SLC5A5: variants seen among roughly 807,000 people sequenced by gnomAD.
SLC5A5 encodes the protein solute carrier family 5 member 5.
SLC5A5 carries 56 observed loss-of-function variants against 68.6 expected under a neutral mutation model. The observed-to-expected ratio is 0.82, with a 90% CI of 0.66 to 1.02. SLC5A5 has a LOEUF of 1.02. SLC5A5 is among the 50% of genes least tolerant of loss of function. The probability of loss-of-function intolerance (pLI) is 0.00; values close to 1 mark genes in which losing one functional copy is unlikely to be tolerated. For missense variants in SLC5A5, 807 were observed against 859.8 expected, an observed-to-expected ratio of 0.94 and a Z score of 0.77; for synonymous variants, 398 against 373.0, an observed-to-expected ratio of 1.07 and a Z score of -0.77.
intron 14 of SLC5A5, among the ~76,000 whole-genome samples, chr19:17,891,327 T>G (rs1407771932): frequency 6.6e-6 from 1 of 152,188 alleles, no homozygotes. Context: ...TGCCTCAGCC[T>G]CCTGAGTAGT....
At chr19:17,883,652 C>T in intron 10 of SLC5A5, 29 bp from the exon 11 acceptor site, 2 of 1,593,278 alleles carry the variant, frequency 1.3e-6, no homozygotes, top group Non-Finnish European at 8.6e-7. Context: ...GGGCTCCGCC[C>T]TCAGCCCCAC....
At chr19:17,883,818 C>G in intron 11 of SLC5A5, 32 bp from the exon 12 acceptor site, 1 of 1,606,924 alleles carries the variant, frequency 6.2e-7, no homozygotes, top group South Asian at 1.1e-5. Context: ...GGACAGGCCC[C>G]TCCCCTTCCC....
intron 1 of SLC5A5, 45 bp from the exon 2 acceptor site, chr19:17,874,093 T>C: frequency 6.9e-7 from 1 of 1,446,768 alleles, no homozygotes; most frequent in Non-Finnish European, 9.7e-7. Flanking sequence ...AGGCCTCGGC[T>C]CCTGGGTAAG....
At chr19:17,877,147 C>T (rs1309329933) in intron 5 of SLC5A5, among the ~76,000 whole-genome samples, 1 of 151,954 alleles carries the variant, frequency 6.6e-6, no homozygotes, top group African/African-American at 2.4e-5. Flanking sequence ...CCCCTCAGAC[C>T]AGATTGGGGG....
Position 17,881,986 on chromosome 19 carries a change from T to C in SLC5A5, c.1085T>C (p.Met362Thr). 6.2e-7 allele frequency: 1 copy of C among 1,614,202 alleles called. No individual in the cohort carries two copies. The highest frequency in any genetic ancestry group is 8.5e-7 in the Non-Finnish European group (1 of 1,180,006). ...ACAGCATCCACCAGCATCAATGCTA[T>C]GGCTGCAGTCACTGTAGAAGACCTC... ...LSTASTSINA[M>T]AAVTVEDLIK... Residue 362 changes from methionine to threonine, a missense_variant, in exon 9 of 15, where the codon ATG becomes ACG. Met to Thr is a moderately conservative substitution (Grantham distance 81, BLOSUM62 -1). Transcript: ENST00000222248.
At chr19:17,878,989 C>A (rs111534179) in intron 7 of SLC5A5, among the ~76,000 whole-genome samples, 18,453 of 105,100 alleles carry the variant, frequency 0.18, 1,534 homozygotes, top group Non-Finnish European at 0.22. Flanking sequence ...AAAAAAAAAA[C>A]AAAAAAAAAA....
Position 17,893,956 on chromosome 19 carries a change from T to G in SLC5A5, c.*79T>G. On this transcript the variant is annotated 3_prime_UTR_variant, in exon 15 of 15. Coordinates refer to ENST00000222248, the MANE Select transcript of SLC5A5 (RefSeq NM_000453.3). ...AAACCCAGACAACGGGCCCATGGCC[T>G]TGGGCTCTGATTGGCTGGATTGCCT... 1 of 1,374,586 alleles carries G rather than the reference T, an allele frequency of 7.3e-7. No individual in the cohort carries two copies. Among genetic ancestry groups the G allele is most frequent in the Non-Finnish European group, 1.0e-6 (1 of 987,088 alleles). 85.1% of individuals were successfully genotyped at this position (1,374,586 alleles called of 1,614,324 possible).
chr19:17,872,529 C>A lies in SLC5A5; in HGVS notation c.210C>A (p.Ala70=), dbSNP rs749639891. ...GLSLSASFMS[A]VQVLGVPSEA... Reference sequence around the variant, plus strand: ...CGCTGTCTGCCAGCTTCATGTCGGCCGTGCAGGTGCTGGGCGTGCCGTCGG... The same window carrying A: ...CGCTGTCTGCCAGCTTCATGTCGGCAGTGCAGGTGCTGGGCGTGCCGTCGG... Residue 70 remains alanine (A), a synonymous_variant, in exon 1 of 15, where the codon GCC becomes GCA. Transcript: ENST00000222248. 1.2e-6 allele frequency: 2 copies of A among 1,612,766 alleles called. No homozygotes were observed. Among genetic ancestry groups the A allele is most frequent in the Non-Finnish European group, 1.7e-6 (2 of 1,179,910 alleles).
intron 1 of SLC5A5, among the ~76,000 whole-genome samples, chr19:17,873,180 G>T (rs1317642221): frequency 2.0e-5 from 3 of 152,264 alleles, no homozygotes; most frequent in African/African-American, 7.2e-5. Flanking sequence ...CGTGACCGGG[G>T]CCCGGTGCGG....
intron 12 of SLC5A5, among the ~76,000 whole-genome samples, chr19:17,885,627 T>C (rs1776552626): frequency 6.6e-6 from 1 of 151,920 alleles, no homozygotes; most frequent in Admixed American, 6.6e-5. Flanking sequence ...GTGATCTGCC[T>C]GCCTCTGACT....
In SLC5A5 at chr19:17,875,997, G is replaced by T. The variant is rs778872430; in HGVS notation, c.589G>T (p.Val197Leu). 1 of 1,614,182 alleles carries T rather than the reference G, an allele frequency of 6.2e-7. No homozygotes were observed. The highest frequency in any genetic ancestry group is 1.7e-5 in the Admixed American group (1 of 60,000). ...VVWTDVFQVVVMLSGFWVVLA... is the reference protein window; with the variant it reads ...VVWTDVFQVVLMLSGFWVVLA... Reference sequence around the variant, plus strand: ...CTGGACTGATGTGTTCCAGGTCGTGGTGATGCTAAGTGGCTTCTGGGTTGT... The same window carrying T: ...CTGGACTGATGTGTTCCAGGTCGTGTTGATGCTAAGTGGCTTCTGGGTTGT... Residue 197 changes from valine (V) to leucine (L), a missense_variant, in exon 5 of 15, where the codon GTG (valine) becomes TTG (leucine). Coordinates refer to ENST00000222248, the MANE Select transcript of SLC5A5 (RefSeq NM_000453.3).
chr19:17,880,798 A>C, intron 7 of SLC5A5, 67 bp from the exon 8 acceptor site: 1 of 1,154,280 alleles, frequency 8.7e-7, no homozygotes, highest in Non-Finnish European at 1.3e-6. Context: ...GTGCAGCATC[A>C]GGACAGATAG....
chr19:17,888,949 A>T (rs2030039492), intron 13 of SLC5A5, among the ~76,000 whole-genome samples: 1 of 150,634 alleles, frequency 6.6e-6, no homozygotes, highest in Non-Finnish European at 1.5e-5. Context: ...AGGAAAAAAA[A>T]AGTTTGTGAG....
At chr19:17,886,392 C>T (rs1180614360) in intron 12 of SLC5A5, among the ~76,000 whole-genome samples, 1 of 151,104 alleles carries the variant, frequency 6.6e-6, no homozygotes. Context: ...ACTGCAACCT[C>T]CGCCTCCTGG....
At position 17,880,933 on chromosome 19, in the gene SLC5A5, T is replaced by C; in HGVS notation, c.1038T>C (p.Cys346=). Residue 346 remains cysteine (C), a synonymous_variant, in exon 8 of 15, where the codon TGT becomes TGC. Transcript: ENST00000222248. ...GAGTCCCCGGGCTTTTCCTGGCCTG[T>C]GCTTACAGTGGCACCCTCAGGTGAG... ...LPGVPGLFLA[C]AYSGTLSTAS... 6.2e-7 allele frequency: 1 copy of C among 1,613,862 alleles called. No individual in the cohort carries two copies. Among genetic ancestry groups the C allele is most frequent in the South Asian group, 1.1e-5 (1 of 91,076 alleles).
chr19:17,874,373 C>T, intron 2 of SLC5A5, 121 bp from the exon 3 acceptor site: 4 of 1,106,042 alleles, frequency 3.6e-6, no homozygotes, highest in Non-Finnish European at 5.5e-6. Context: ...CCCGCCTGCA[C>T]TCTGGAAGAC....
chr19:17,872,271 T>G lies in SLC5A5; in HGVS notation c.-49T>G. On this transcript the variant is annotated 5_prime_UTR_variant, in exon 1 of 15. Transcript: ENST00000222248. ...TCGGCCCCTGCCAGCTTCCCCCGCTTGAGCACGCAGGGCGTCCGAGGACGC... is the reference window on the plus strand; with the variant it reads ...TCGGCCCCTGCCAGCTTCCCCCGCTGGAGCACGCAGGGCGTCCGAGGACGC... The G allele has an allele frequency of 8.5e-7, 1 of 1,181,720 alleles. No homozygotes were observed. The highest frequency in any genetic ancestry group is 1.2e-6 in the Non-Finnish European group (1 of 861,806). 73.2% of individuals were successfully genotyped at this position (1,181,720 alleles called of 1,614,324 possible).
Position 17,874,122 on chromosome 19 carries a change from G to T in SLC5A5, c.358-16G>T. 6.3e-7 allele frequency: 1 copy of T among 1,599,078 alleles called. No homozygotes were observed. The highest frequency in any genetic ancestry group is 1.1e-5 in the South Asian group (1 of 90,788). ...GGGTAAGGACTGTCCAGGTGACCTC[G>T]AGTCCCTCCTTGCAGTACCTGGAGA... is the stretch of plus-strand genomic sequence containing the variant. On this transcript the variant is annotated splice_polypyrimidine_tract_variant and intron_variant, in intron 1 of 14. Transcript: ENST00000222248.
rs139976263 is a variant in SLC5A5, at chr19:17,881,867, G to A, written c.1059-93G>A. The A allele has an allele frequency of 4.6e-4, 425 of 916,656 alleles. No homozygotes were observed. In the African/African-American group the frequency reaches 5.4e-3, roughly 12 times the overall value. The allele number at this position is 916,656 out of a possible 1,614,324, so 56.8% of individuals were successfully genotyped here. A position where few individuals can be genotyped will look rare whatever the true frequency, so the allele number is the denominator to read the frequency against. On this transcript the variant is annotated intron_variant, in intron 8 of 14. Transcript: ENST00000222248. The stretch of plus-strand genomic sequence containing the variant: ...TTTGCAGGACTGGGTTACCCCCACC[G>A]TTGCCCTCAGGCTGGGTGAGGTCTG...
Sources: allele counts gnomAD v4.1 joint callset (sites outside exome capture counted in the v4.1 genomes callset), GRCh38; gene constraint gnomAD v4.1.1; transcripts MANE v1.5; gene names NCBI Gene and HGNC (gene_info 2026-07-23, HGNC 2026-07-21).